Variants in RARB observed in about 807,000 individuals in gnomAD.
RARB encodes retinoic acid receptor beta, also known as HBV-activated protein.
RARB carries 17 observed loss-of-function variants against 51.9 expected under a neutral mutation model. The observed-to-expected ratio is 0.33, with a 90% confidence interval of 0.22 to 0.49. The LOEUF (loss-of-function observed/expected upper bound fraction) is 0.49. RARB is among the 20% of genes least tolerant of loss of function. The pLI is 0.99. For synonymous variants in RARB, 215 were observed against 195.4 expected (o/e 1.10, Z -0.84); for missense variants, 369 against 550.8 (o/e 0.67, Z 3.30).
intron 1 of RARB, among the ~76,000 whole-genome samples, chr3:24,847,909 C>G (rs946548289): frequency 5.3e-5 from 8 of 152,140 alleles, no homozygotes; most frequent in Non-Finnish European, 8.8e-5. Context: ...ACCAGGGGTG[C>G]CCCATAGCCA....
At chr3:25,153,151 T>TGTGTGTGTGTGTGC (rs1382748343) in intron 4 of RARB, among the ~76,000 whole-genome samples, 5 of 152,026 alleles carry the variant, frequency 3.3e-5, no homozygotes, top group Non-Finnish European at 2.9e-5. Context: ...TGTGTGTGTG[T>TGTGTGTGTGTGTGC]GTGTGTGTGC....
chr3:25,532,170 T>C (rs1215056555), intron 3 of RARB, among the ~76,000 whole-genome samples: 1 of 152,234 alleles, frequency 6.6e-6, no homozygotes, highest in Non-Finnish European at 1.5e-5. Context: ...TCATGGATTA[T>C]AATTTACATC....
intron 2 of RARB, among the ~76,000 whole-genome samples, chr3:24,902,302 G>GTGAA (rs1017199670): frequency 2.6e-5 from 4 of 152,114 alleles, no homozygotes; most frequent in Admixed American, 6.5e-5. Context: ...CTACTAACTT[G>GTGAA]TGAATGCTTC....
At chr3:25,339,871 C>A (rs1359835752) in intron 5 of RARB, among the ~76,000 whole-genome samples, 1 of 152,090 alleles carries the variant, frequency 6.6e-6, no homozygotes, top group Non-Finnish European at 1.5e-5. Flanking sequence ...ACAGTTTCCA[C>A]AAAACTGCAT....
intron 5 of RARB, among the ~76,000 whole-genome samples, chr3:25,217,356 G>C (rs983009322): frequency 6.6e-6 from 1 of 152,030 alleles, no homozygotes; most frequent in African/African-American, 2.4e-5. Context: ...TATATGACTC[G>C]TTTCAATCTA....
At chr3:25,265,143 C>A (rs567860629) in intron 5 of RARB, among the ~76,000 whole-genome samples, 1 of 152,124 alleles carries the variant, frequency 6.6e-6, no homozygotes, top group Non-Finnish European at 1.5e-5. Context: ...CAGTTTATGG[C>A]ATTTTGTTAT....
chr3:25,298,698 T>C (rs186412405), intron 5 of RARB, among the ~76,000 whole-genome samples: 192 of 152,268 alleles, frequency 1.3e-3, no homozygotes, highest in Non-Finnish European at 2.5e-3. Context: ...GGCCTACTGA[T>C]TCCAAGGAGG....
At position 24,990,716 on chromosome 3, in the gene RARB, C is replaced by G. The variant is rs566899265; in HGVS notation, c.-379-69409C>G. Among the ~76,000 whole-genome samples, 318 of 42,114 alleles carry G rather than the reference C, an allele frequency of 7.6e-3. 102 individuals carry two copies. Among genetic ancestry groups the G allele is most frequent in the African/African-American group, 0.03 (306 of 10,276 alleles). 27.6% of individuals were successfully genotyped at this position (42,114 alleles called of 152,430 possible). A position where few individuals can be genotyped will look rare whatever the true frequency, so the allele number is the denominator to read the frequency against. The stretch of plus-strand genomic sequence containing the variant: ...CACCCTGCTCTTTGGCTTGTATAGT[C>G]CTGCCTCCTCATTATTACTCTTCTT... On this transcript the variant is annotated intron_variant, in intron 2 of 11. Coordinates refer to the RARB transcript ENST00000383772.
intron 1 of RARB, among the ~76,000 whole-genome samples, chr3:24,839,770 A>G (rs9850528): frequency 2.6e-5 from 4 of 151,290 alleles, no homozygotes; most frequent in African/African-American, 7.3e-5. Flanking sequence ...GCACAAATCC[A>G]GATTGTCACA....
intron 3 of RARB, among the ~76,000 whole-genome samples, chr3:25,102,891 A>C (rs1699431319): frequency 6.6e-6 from 1 of 152,154 alleles, no homozygotes. Flanking sequence ...ATCTCTACTA[A>C]AAATACAAAA....
In RARB at chr3:25,047,686, G is replaced by A. The variant is rs535483824; in HGVS notation, c.-379-12439G>A. On this transcript the variant is annotated intron_variant, in intron 2 of 11. Transcript: ENST00000383772. ...TAGGTCTTTTGTTTTCCCTGTTTTT[G>A]CAAATAAGTAAACAGAGAGGCTCAA... Among the ~76,000 whole-genome samples the A allele has an allele frequency of 2.0e-5, 3 of 152,178 alleles. No homozygotes were observed. The South Asian group carries it at 6.2e-4, about 32-fold the overall frequency.
intron 3 of RARB, among the ~76,000 whole-genome samples, chr3:25,093,048 T>C (rs917997521): frequency 2.0e-5 from 3 of 152,214 alleles, no homozygotes; most frequent in Admixed American, 6.5e-5. Flanking sequence ...ACAATGATAC[T>C]GACTATGGAT....
chr3:25,343,499 A>G (rs1179273315), intron 5 of RARB, among the ~76,000 whole-genome samples: 4 of 151,906 alleles, frequency 2.6e-5, no homozygotes, highest in South Asian at 2.1e-4. Flanking sequence ...TGAATAGAAC[A>G]TGAAGCCCTG....
intron 5 of RARB, among the ~76,000 whole-genome samples, chr3:25,201,555 T>C (rs200362707): frequency 1.1e-4 from 16 of 152,192 alleles, no homozygotes; most frequent in Admixed American, 9.2e-4. Flanking sequence ...CAGTATGATA[T>C]TGGCTGTGGG....
chr3:25,063,715 T>TCC (rs1698598345), intron 3 of RARB, among the ~76,000 whole-genome samples: 1 of 151,502 alleles, frequency 6.6e-6, no homozygotes, highest in Non-Finnish European at 1.5e-5. Flanking sequence ...AGACTTTTTT[T>TCC]TTTTTTTTTT....
chr3:25,126,398 T>G (rs536106389), intron 3 of RARB, among the ~76,000 whole-genome samples: 1 of 152,036 alleles, frequency 6.6e-6, no homozygotes, highest in African/African-American at 2.4e-5. Context: ...TTACAGAAAC[T>G]GCTTAGTATT....
At chr3:25,402,458 T>C (rs189042867) in intron 5 of RARB, among the ~76,000 whole-genome samples, 67 of 152,322 alleles carry the variant, frequency 4.4e-4, no homozygotes, top group African/African-American at 1.5e-3. Context: ...GCTAGGTATA[T>C]ACTCAAAAGA....
intron 2 of RARB, among the ~76,000 whole-genome samples, chr3:24,968,381 C>T (rs773354157): frequency 6.6e-6 from 1 of 152,044 alleles, no homozygotes; most frequent in African/African-American, 2.4e-5. Context: ...AAATAACATA[C>T]TTTTCTTTTG....
At chr3:25,512,536 T>C (rs932826817) in intron 3 of RARB, among the ~76,000 whole-genome samples, 3 of 152,212 alleles carry the variant, frequency 2.0e-5, no homozygotes, top group Admixed American at 1.3e-4. Context: ...TGCCCCCAAA[T>C]GTGCCACACA....
Sources: gnomAD v4.1 joint callset for allele counts (sites outside exome capture counted in the v4.1 genomes callset) on GRCh38, gnomAD v4.1.1 for gene constraint, MANE v1.5 for transcripts, NCBI Gene and HGNC (gene_info 2026-07-23, HGNC 2026-07-21) for gene names.